GNB5: variants seen among roughly 807,000 people sequenced by gnomAD.
The protein encoded by GNB5 is guanine nucleotide-binding protein subunit beta-5.
GNB5 carries 37 observed loss-of-function variants against 55.3 expected under a neutral mutation model. That is an observed-to-expected ratio of 0.67 (90% CI 0.51 to 0.88). GNB5 has a LOEUF of 0.88. GNB5 is among the 40% of genes least tolerant of loss of function. The pLI, the probability that GNB5 is intolerant of heterozygous loss-of-function variation, is 0.00. For missense variants in GNB5, 476 were observed against 515.3 expected, an observed-to-expected ratio of 0.92 and a Z score of 0.74; for synonymous variants, 219 against 198.5, an observed-to-expected ratio of 1.10 and a Z score of -0.87.
intron 7 of GNB5, chr15:52,139,847 C>T (rs986627545): frequency 1.3e-5 from 17 of 1,279,090 alleles, no homozygotes; most frequent in African/African-American, 4.6e-5. Flanking sequence ...AACCCTGCCC[C>T]GGGGCAACAC....
chr15:52,181,173 C>T (rs914148116), intron 2 of GNB5: 2 of 152,228 alleles, frequency 1.3e-5, no homozygotes, highest in Non-Finnish European at 1.5e-5. Context: ...CTTGCTGTCC[C>T]GGGCCTTCTC....
intron 9 of GNB5, among the ~76,000 whole-genome samples, chr15:52,131,585 A>C (rs1278232786): frequency 6.6e-6 from 1 of 152,148 alleles, no homozygotes; most frequent in Non-Finnish European, 1.5e-5. Context: ...CTTGCATTTT[A>C]CTAACTTCAA....
intron 1 of GNB5, among the ~76,000 whole-genome samples, chr15:52,185,189 C>T (rs2034826986): frequency 6.6e-6 from 1 of 152,196 alleles, no homozygotes; most frequent in South Asian, 2.1e-4. Context: ...AAACATTTGA[C>T]AGCCAAAGAC....
chr15:52,146,118 G>T (rs751858377), intron 6 of GNB5, among the ~76,000 whole-genome samples: 1 of 151,762 alleles, frequency 6.6e-6, no homozygotes, highest in Non-Finnish European at 1.5e-5. Flanking sequence ...CACCGTGCCC[G>T]GCTAATTTTT....
At chr15:52,150,947 T>C (rs2034078921) in intron 4 of GNB5, among the ~76,000 whole-genome samples, 1 of 152,190 alleles carries the variant, frequency 6.6e-6, no homozygotes, top group African/African-American at 2.4e-5. Flanking sequence ...GGCAGAGATA[T>C]GGATGGAAAA....
chr15:52,117,930 C>T lies in GNB5; in HGVS notation c.*4827G>A, dbSNP rs2033177509. ...TTGGGAAATGAAGATCTACAAATCC[C>T]CACTCAATCAGCTCTTCCAGGCTTG... On this transcript the variant is annotated 3_prime_UTR_variant, in exon 13 of 13. Coordinates refer to ENST00000261837, the MANE Select transcript of GNB5 (RefSeq NM_016194.4). 1 of 152,602 alleles carries T rather than the reference C, an allele frequency of 6.6e-6. No homozygotes were observed. Among genetic ancestry groups the T allele is most frequent in the Non-Finnish European group, 1.5e-5 (1 of 68,322 alleles). 9.5% of individuals were successfully genotyped at this position (152,602 alleles called of 1,614,324 possible).
In GNB5 at chr15:52,126,030, G is replaced by T; in HGVS notation, c.927C>A (p.Asp309Glu). 6.4e-7 allele frequency: 1 copy of T among 1,566,616 alleles called. No individual in the cohort carries two copies. Among genetic ancestry groups the T allele is most frequent in the South Asian group, 1.1e-5 (1 of 88,520 alleles). The change falls in exon 11 of 13, where the codon GAC becomes GAA. Residue 309 changes from aspartate (D) to glutamate (E), a missense_variant. Physicochemically the swap from Asp to Glu is conservative, Grantham distance 45. Coordinates refer to ENST00000261837, the MANE Select transcript of GNB5 (RefSeq NM_016194.4). ...TGGCAACCTCCCTATCTGCCCGCAGGTCATAGAGGCGACACTGGGGAGCAA... is the reference window on the plus strand; with the variant it reads ...TGGCAACCTCCCTATCTGCCCGCAGTTCATAGAGGCGACACTGGGGAGCAA... ...GSDDATCRLYDLRADREVAIY... is the reference protein window; with the variant it reads ...GSDDATCRLYELRADREVAIY...
At chr15:52,131,914 A>C (rs2033588148) in intron 9 of GNB5, among the ~76,000 whole-genome samples, 1 of 152,178 alleles carries the variant, frequency 6.6e-6, no homozygotes. Flanking sequence ...CCTGCCACTT[A>C]CTTGACATCT....
chr15:52,179,835 C>A lies in GNB5; in HGVS notation c.171G>T (p.Leu57=). The A allele has an allele frequency of 6.4e-7, 1 of 1,553,944 alleles. No homozygotes were observed. The highest frequency in any genetic ancestry group is 1.9e-5 in the Admixed American group (1 of 53,988). ...CCTTGAGGCTCTCGGCCTCGCTCTT[C>A]AGCGACGCCAGCGTCTCGTTCTCGT... is the stretch of plus-strand genomic sequence containing the variant. The part of the protein sequence containing the change: ...GLHENETLAS[L]KSEAESLKGK... The change falls in exon 3 of 13, where the codon CTG becomes CTT. Residue 57 remains leucine, a synonymous_variant. Transcript: ENST00000261837.
rs1305628978 is a variant in GNB5, at chr15:52,122,296, GA to G, written c.*460del. On this transcript the variant is annotated 3_prime_UTR_variant, in exon 13 of 13. Transcript: ENST00000261837. ...GGAATTGGAATTTGCTTCTATCACA[GA>G]CCAGTCACCAGTCCTCAGTCCATAA... is the stretch of plus-strand genomic sequence containing the variant. 1 of 155,640 alleles carries G rather than the reference GA, an allele frequency of 6.4e-6. No individual in the cohort carries two copies. The highest frequency in any genetic ancestry group is 1.4e-5 in the Non-Finnish European group (1 of 70,254). The allele number at this position is 155,640 out of a possible 1,614,324, so 9.6% of individuals were successfully genotyped here.
intron 3 of GNB5, among the ~76,000 whole-genome samples, chr15:52,160,404 G>A (rs2034306604): frequency 6.6e-6 from 1 of 152,186 alleles, no homozygotes; most frequent in Non-Finnish European, 1.5e-5. Flanking sequence ...ATCTAGAGTT[G>A]GTGTACTAGG....
At chr15:52,133,691 G>A (rs1048391529) in intron 8 of GNB5, among the ~76,000 whole-genome samples, 2 of 152,182 alleles carry the variant, frequency 1.3e-5, no homozygotes, top group South Asian at 2.1e-4. Context: ...GAAGGCACTC[G>A]GCTTCCTCTT....
intron 10 of GNB5, among the ~76,000 whole-genome samples, chr15:52,126,749 A>G (rs1313018904): frequency 6.6e-6 from 1 of 152,126 alleles, no homozygotes; most frequent in African/African-American, 2.4e-5. Flanking sequence ...GAATCCTTAG[A>G]AGAGTTATCA....
chr15:52,140,060 T>A, intron 7 of GNB5: 1 of 889,470 alleles, frequency 1.1e-6, no homozygotes, highest in African/African-American at 1.8e-5. Flanking sequence ...CTGGTTAGGC[T>A]CAAATAATAG....
At chr15:52,134,105 C>G (rs2033643169) in intron 8 of GNB5, among the ~76,000 whole-genome samples, 1 of 152,232 alleles carries the variant, frequency 6.6e-6, no homozygotes, top group Non-Finnish European at 1.5e-5. Flanking sequence ...GCGTCTGCCT[C>G]AACACCTATA....
At chr15:52,188,266 T>A (rs2034873300) in intron 1 of GNB5, among the ~76,000 whole-genome samples, 2 of 152,164 alleles carry the variant, frequency 1.3e-5, no homozygotes, top group South Asian at 4.1e-4. Flanking sequence ...ATTTTAGACC[T>A]CACTGGTTAA....
intron 4 of GNB5, among the ~76,000 whole-genome samples, chr15:52,152,633 CTCTT>C (rs908447997): frequency 1.0e-4 from 14 of 140,126 alleles, no homozygotes; most frequent in African/African-American, 2.8e-4. Context: ...CTGAATATCT[CTCTT>C]TTTTTTTTTT....
chr15:52,145,727 G>C lies in GNB5; in HGVS notation c.494+1732C>G, dbSNP rs142461194. Among the ~76,000 whole-genome samples the C allele has an allele frequency of 2.7e-3, 409 of 152,242 alleles. 4 individuals are homozygous for C. Among genetic ancestry groups the C allele is most frequent in the Admixed American group, 0.015 (229 of 15,290 alleles). ...GTCTTGGCCACTGGAAGGAGAGTGA[G>C]ACTATGTCCCCAAAGCAGCCACCCT... On this transcript the variant is annotated intron_variant, in intron 6 of 12. Transcript: ENST00000261837.
At chr15:52,125,901 G>A in intron 11 of GNB5, 47 bp downstream of exon 11, 1 of 780,210 alleles carries the variant, frequency 1.3e-6, no homozygotes, top group African/African-American at 1.7e-5. Flanking sequence ...GTTTCATTCT[G>A]GTCCTGTCTT....
Sources: allele counts gnomAD v4.1 joint callset (sites outside exome capture counted in the v4.1 genomes callset), GRCh38; gene constraint gnomAD v4.1.1; transcripts MANE v1.5; gene names NCBI Gene and HGNC (gene_info 2026-07-23, HGNC 2026-07-21).